Variants in KIAA1671 observed in about 807,000 individuals in gnomAD.
The protein encoded by KIAA1671 is uncharacterized protein KIAA1671.
KIAA1671 carries 52 observed loss-of-function variants against 131.2 expected under a neutral mutation model. The ratio of observed to expected loss-of-function variants is 0.40; its 90% confidence interval spans 0.32 to 0.50. The LOEUF is 0.50. Among genes scored for constraint, KIAA1671 ranks in the 20% least tolerant of loss-of-function variants. KIAA1671 has a pLI of 0.73. For missense variants in KIAA1671, 2,360 were observed against 2,364.2 expected, an observed-to-expected ratio of 1.00 and a Z score of 0.04; for synonymous variants, 1,003 against 961.6, an observed-to-expected ratio of 1.04 and a Z score of -0.80.
rs1934622776 is a variant in KIAA1671, at chr22:25,190,160, A to G, written c.5343-542A>G. On this transcript the variant is annotated intron_variant, in intron 11 of 12. Coordinates refer to ENST00000358431, the MANE Select transcript of KIAA1671 (RefSeq NM_001145206.2). ...ACAACTCACAGTAGACTCAGTGAGAACCCTGAGCTTGTTTTTCTGCAACTA... is the reference window on the plus strand; with the variant it reads ...ACAACTCACAGTAGACTCAGTGAGAGCCCTGAGCTTGTTTTTCTGCAACTA... 2.0e-5 allele frequency among the ~76,000 whole-genome samples: 3 copies of G among 152,216 alleles called. No homozygotes were observed. In the South Asian group the frequency reaches 6.2e-4, roughly 32 times the overall value.
chr22:25,068,658 G>C (rs561189970), intron 6 of KIAA1671, among the ~76,000 whole-genome samples: 2 of 152,150 alleles, frequency 1.3e-5, no homozygotes, highest in Non-Finnish European at 2.9e-5. Flanking sequence ...GGATGGTCTC[G>C]ATCTCCTGAC....
chr22:24,976,184 C>T (rs1922900928), intron 1 of KIAA1671, among the ~76,000 whole-genome samples: 2 of 152,356 alleles, frequency 1.3e-5, no homozygotes, highest in South Asian at 4.1e-4. Context: ...GGAAGGATTG[C>T]TCCACATTCG....
chr22:25,195,173 C>T lies in KIAA1671; in HGVS notation c.*2772C>T, dbSNP rs1355300912. The T allele has an allele frequency of 6.6e-6, 1 of 152,052 alleles. No homozygotes were observed. The highest frequency in any genetic ancestry group is 1.5e-5 in the Non-Finnish European group (1 of 68,028). The allele number at this position is 152,052 out of a possible 1,614,324, so 9.4% of individuals were successfully genotyped here. A position where few individuals can be genotyped will look rare whatever the true frequency, so the allele number is the denominator to read the frequency against. On this transcript the variant is annotated 3_prime_UTR_variant, in exon 13 of 13. Coordinates refer to ENST00000358431, the MANE Select transcript of KIAA1671 (RefSeq NM_001145206.2). ...CCTCTATATGTACAATCTCTCTCCCCCTCATTTCTCTTCCTCCTCACCTCC... is the reference window on the plus strand; with the variant it reads ...CCTCTATATGTACAATCTCTCTCCCTCTCATTTCTCTTCCTCCTCACCTCC...
chr22:25,019,245 G>A (rs1200183457), intron 1 of KIAA1671, among the ~76,000 whole-genome samples: 1 of 152,098 alleles, frequency 6.6e-6, no homozygotes, highest in Non-Finnish European at 1.5e-5. Flanking sequence ...CCACCCATGG[G>A]CAAGTCACAG....
chr22:25,101,054 C>T (rs1930637006), intron 6 of KIAA1671, among the ~76,000 whole-genome samples: 1 of 152,178 alleles, frequency 6.6e-6, no homozygotes, highest in Admixed American at 6.5e-5. Flanking sequence ...TTCCCAAGAA[C>T]ATCTTGCTTT....
intron 10 of KIAA1671, 44 bp from the exon 11 acceptor site, chr22:25,184,933 C>T: frequency 6.5e-7 from 1 of 1,549,700 alleles, no homozygotes; most frequent in Non-Finnish European, 8.7e-7. Flanking sequence ...GGCCCTTCCC[C>T]AGACAAAGGG....
intron 6 of KIAA1671, among the ~76,000 whole-genome samples, chr22:25,166,598 C>T (rs1175447550): frequency 6.6e-6 from 1 of 152,192 alleles, no homozygotes; most frequent in African/African-American, 2.4e-5. Context: ...CTCCATTCCC[C>T]TGCCTGACTC....
rs1292231095 is a variant in KIAA1671 at position 25,040,530 on chromosome 22, C to T, written c.3400C>T (p.Arg1134Trp). Residue 1134 changes from arginine (R) to tryptophan (W), a missense_variant, in exon 5 of 13, where the codon CGG becomes TGG. Physicochemically the swap from Arg to Trp is moderately radical, Grantham distance 101. Transcript: ENST00000358431. Reference protein sequence around the residue: ...IIDVDALWSHRGSEDGPRPQS... With the variant: ...IIDVDALWSHWGSEDGPRPQS... ...TGATGTGGATGCCTTATGGAGTCAT[C>T]GGGGATCAGAAGATGGCCCTCGTCC... is the stretch of plus-strand genomic sequence containing the variant. 2.4e-5 allele frequency: 38 copies of T among 1,551,650 alleles called. No homozygotes were observed. Among genetic ancestry groups the T allele is most frequent in the East Asian group, 9.8e-5 (4 of 40,932 alleles).
At chr22:25,170,423 G>A (rs1319336326) in intron 6 of KIAA1671, among the ~76,000 whole-genome samples, 2 of 152,196 alleles carry the variant, frequency 1.3e-5, no homozygotes, top group Non-Finnish European at 2.9e-5. Flanking sequence ...ACCTGGGCAA[G>A]CGGGTGCATG....
chr22:25,118,516 T>G (rs962153618), intron 6 of KIAA1671, among the ~76,000 whole-genome samples: 1 of 152,068 alleles, frequency 6.6e-6, no homozygotes, highest in Non-Finnish European at 1.5e-5. Context: ...GTCTCAAACT[T>G]CTGGGCTCAA....
At chr22:25,184,479 G>T (rs751452026) in intron 10 of KIAA1671, among the ~76,000 whole-genome samples, 1 of 152,198 alleles carries the variant, frequency 6.6e-6, no homozygotes, top group South Asian at 2.1e-4. Context: ...CTCAGGTCCC[G>T]CAAGGGAACT....
chr22:25,107,777 G>A (rs888546606), intron 6 of KIAA1671, among the ~76,000 whole-genome samples: 1 of 152,030 alleles, frequency 6.6e-6, no homozygotes, highest in South Asian at 2.1e-4. Flanking sequence ...TTGGGAGGCC[G>A]AGGTGGGCGG....
chr22:25,196,661 C>T lies in KIAA1671; in HGVS notation c.*4260C>T, dbSNP rs973527114. 3.3e-5 allele frequency: 5 copies of T among 152,138 alleles called. No individual in the cohort carries two copies. Among genetic ancestry groups the T allele is most frequent in the African/African-American group, 1.2e-4 (5 of 41,406 alleles). The allele number at this position is 152,138 out of a possible 1,614,324, so 9.4% of individuals were successfully genotyped here. ...CTATATTGCCCAAGCTGGTCTTAAA[C>T]TTGGTCTCAAGTGATTCTACTGCCT... On this transcript the variant is annotated 3_prime_UTR_variant, in exon 13 of 13. Transcript: ENST00000358431.
intron 1 of KIAA1671, among the ~76,000 whole-genome samples, chr22:25,024,904 G>T (rs989335659): frequency 1.5e-4 from 23 of 152,134 alleles, no homozygotes; most frequent in Non-Finnish European, 2.9e-5. Context: ...AGTGTATGTG[G>T]TGCTCTGTGA....
intron 1 of KIAA1671, among the ~76,000 whole-genome samples, chr22:24,986,775 G>C (rs1022915121): frequency 3.8e-4 from 57 of 151,028 alleles, no homozygotes; most frequent in Non-Finnish European, 7.7e-4. Flanking sequence ...TGGGGGCAGG[G>C]CCTCATGGTA....
chr22:25,098,281 C>G (rs767392042), intron 6 of KIAA1671, among the ~76,000 whole-genome samples: 2 of 152,146 alleles, frequency 1.3e-5, no homozygotes, highest in Non-Finnish European at 2.9e-5. Context: ...AGTAGTTCTT[C>G]CATCCCCTCC....
intron 6 of KIAA1671, among the ~76,000 whole-genome samples, chr22:25,116,495 C>T (rs1176750417): frequency 2.6e-5 from 4 of 151,962 alleles, no homozygotes; most frequent in Admixed American, 2.0e-4. Context: ...AGTCTTGGCT[C>T]ACTGCAACCT....
rs1420700524 is a variant in KIAA1671, at chr22:25,040,815, C to G, written c.3685C>G (p.Pro1229Ala). 1.3e-6 allele frequency: 2 copies of G among 1,551,522 alleles called. No individual in the cohort carries two copies. The highest frequency in any genetic ancestry group is 2.7e-5 in the African/African-American group (2 of 73,044). The change falls in exon 5 of 13, where the codon CCC becomes GCC. Residue 1229 changes from proline (P) to alanine (A), a missense_variant. Physicochemically the swap from Pro to Ala is conservative, Grantham distance 27 (BLOSUM62 -1). This residue lies in a region of KIAA1671 where 1,161 missense variants were observed against 1,204.7 expected (regional missense o/e 0.96). Coordinates refer to ENST00000358431, the MANE Select transcript of KIAA1671 (RefSeq NM_001145206.2). ...GGAGAGGAGGAGTCCCACCGTGGAGCCCAGTACGTTGCCTCGGGAGAGGCC... is the reference window on the plus strand; with the variant it reads ...GGAGAGGAGGAGTCCCACCGTGGAGGCCAGTACGTTGCCTCGGGAGAGGCC... ...AQERRSPTVE[P>A]STLPRERPVQ... is the part of the protein sequence containing the mutation.
intron 6 of KIAA1671, among the ~76,000 whole-genome samples, chr22:25,099,152 C>T (rs1347920986): frequency 2.0e-5 from 3 of 152,220 alleles, no homozygotes; most frequent in Non-Finnish European, 4.4e-5. Context: ...CCAGCCTTCA[C>T]TCTCTGCCTC....
Sources: gnomAD v4.1 joint callset for allele counts (sites outside exome capture counted in the v4.1 genomes callset) on GRCh38, gnomAD v4.1.1 for gene constraint, gnomAD v4.1.1 regional missense constraint, MANE v1.5 for transcripts, NCBI Gene and HGNC (gene_info 2026-07-23, HGNC 2026-07-21) for gene names.